The following TENM3 variants were observed in gnomAD, a reference collection of about 807,000 sequenced individuals.
TENM3 encodes teneurin transmembrane protein 3.
A neutral mutation model predicts 255.1 loss-of-function variants in TENM3; 63 were observed. The observed-to-expected ratio is 0.25, with a 90% CI of 0.20 to 0.30. The LOEUF is 0.30. TENM3 is among the 10% of genes least tolerant of loss of function. TENM3 has a pLI of 1.00. For missense variants in TENM3, 2,929 were observed against 3,461.1 expected, an observed-to-expected ratio of 0.85 and a Z score of 3.86; for synonymous variants, 1,306 against 1,322.3, an observed-to-expected ratio of 0.99 and a Z score of 0.27.
At chr4:181,990,226 G>C in the TENM3 span, among the ~76,000 whole-genome samples, 17 of 151,966 alleles carry the variant, frequency 1.1e-4, no homozygotes, top group African/African-American at 4.1e-4. Flanking sequence ...AATTAAAGAA[G>C]ACATATAAGT....
At chr4:182,330,832 ACC>A (rs1763701750) in intron 2 of TENM3, among the ~76,000 whole-genome samples, 1 of 152,198 alleles carries the variant, frequency 6.6e-6, no homozygotes, top group Non-Finnish European at 1.5e-5. Context: ...TACAAGAGAA[ACC>A]TTAACAGAAG....
the TENM3 span, among the ~76,000 whole-genome samples, chr4:181,531,150 A>G: frequency 4.6e-5 from 7 of 152,138 alleles, no homozygotes; most frequent in African/African-American, 1.7e-4. Flanking sequence ...TGCCCTGTGG[A>G]TTAGATAGCA....
At chr4:182,398,450 C>A (rs944333124) in intron 3 of TENM3, among the ~76,000 whole-genome samples, 1 of 152,160 alleles carries the variant, frequency 6.6e-6, no homozygotes, top group Non-Finnish European at 1.5e-5. Context: ...AGATTCCACA[C>A]AGTGTTTGTT....
the TENM3 span, among the ~76,000 whole-genome samples, chr4:182,047,516 T>C: frequency 8.0e-6 from 1 of 124,258 alleles, no homozygotes; most frequent in Non-Finnish European, 1.6e-5. Context: ...GAGCCGAGAG[T>C]GCACCACTGC....
At chr4:182,020,486 G>T in the TENM3 span, among the ~76,000 whole-genome samples, 10 of 152,104 alleles carry the variant, frequency 6.6e-5, no homozygotes, top group Non-Finnish European at 8.8e-5. Flanking sequence ...GTGCTCTATA[G>T]CTCTGTAGGA....
At chr4:182,347,814 T>C (rs540589996) in intron 3 of TENM3, among the ~76,000 whole-genome samples, 1 of 152,318 alleles carries the variant, frequency 6.6e-6, no homozygotes, top group Admixed American at 6.5e-5. Context: ...GTGCACTTGC[T>C]ATTTCAGTCT....
intron 24 of TENM3, among the ~76,000 whole-genome samples, chr4:182,784,422 C>T (rs1195789164): frequency 6.6e-6 from 1 of 151,584 alleles, no homozygotes; most frequent in Non-Finnish European, 1.5e-5. Context: ...TTCAGATCTC[C>T]AGCTGCGTGC....
chr4:182,503,393 T>C (rs992332111), intron 3 of TENM3, among the ~76,000 whole-genome samples: 1 of 152,176 alleles, frequency 6.6e-6, no homozygotes, highest in Non-Finnish European at 1.5e-5. Context: ...CCCTCAGTTA[T>C]TCCTCTCCAG....
intron 3 of TENM3, among the ~76,000 whole-genome samples, chr4:182,539,629 G>C (rs769243899): frequency 1.3e-5 from 2 of 152,148 alleles, no homozygotes; most frequent in Non-Finnish European, 2.9e-5. Context: ...AGGATCATTC[G>C]AACGATATTA....
intron 4 of TENM3, among the ~76,000 whole-genome samples, chr4:182,619,187 G>A (rs1405462708): frequency 6.6e-6 from 1 of 152,054 alleles, no homozygotes; most frequent in Non-Finnish European, 1.5e-5. Context: ...CAACACTTTG[G>A]GAGGCCGAGG....
the TENM3 span, among the ~76,000 whole-genome samples, chr4:181,860,994 G>A: frequency 5.9e-5 from 9 of 152,048 alleles, no homozygotes; most frequent in Non-Finnish European, 1.0e-4. Flanking sequence ...GGTTGATATC[G>A]AAAAAAATGT....
rs532513232 is a variant in TENM3 at position 182,656,254 on chromosome 4, A to G, written c.1111+2361A>G. ...AGGGGATTTGTAGGAATTTCCCTGC[A>G]TGGAAAAGCTATCTCTCTCTGGGCT... On this transcript the variant is annotated intron_variant, in intron 6 of 27. Transcript: ENST00000511685. 2.6e-5 allele frequency among the ~76,000 whole-genome samples: 4 copies of G among 152,344 alleles called. No homozygotes were observed. In the South Asian group the frequency reaches 6.2e-4, roughly 24 times the overall value.
At chr4:182,506,050 A>T (rs1235610407) in intron 3 of TENM3, among the ~76,000 whole-genome samples, 1 of 152,196 alleles carries the variant, frequency 6.6e-6, no homozygotes, top group South Asian at 2.1e-4. Context: ...AATAAAGATA[A>T]ATGCAACAGC....
At chr4:181,465,626 C>G in the TENM3 span, among the ~76,000 whole-genome samples, 1 of 152,166 alleles carries the variant, frequency 6.6e-6, no homozygotes, top group African/African-American at 2.4e-5. Context: ...AACTTTTATG[C>G]TTTAAAAAGT....
At chr4:182,408,462 G>A (rs1168795341) in intron 3 of TENM3, among the ~76,000 whole-genome samples, 10 of 152,010 alleles carry the variant, frequency 6.6e-5, no homozygotes, top group South Asian at 4.1e-4. Flanking sequence ...GAAAACCTTC[G>A]GACCAACTGC....
At chr4:181,988,806 C>T in the TENM3 span, among the ~76,000 whole-genome samples, 2 of 150,996 alleles carry the variant, frequency 1.3e-5, no homozygotes, top group African/African-American at 4.9e-5. Flanking sequence ...TTTTTTTCAG[C>T]GCCTTCTCTT....
At chr4:181,499,401 T>A in the TENM3 span, among the ~76,000 whole-genome samples, 1 of 152,178 alleles carries the variant, frequency 6.6e-6, no homozygotes, top group South Asian at 2.1e-4. Flanking sequence ...AAACCTAGCA[T>A]CTAAAGGGAA....
the TENM3 span, among the ~76,000 whole-genome samples, chr4:181,559,573 G>A: frequency 2.6e-5 from 4 of 152,196 alleles, no homozygotes; most frequent in South Asian, 8.3e-4. Flanking sequence ...TCATTATTAG[G>A]AAGAGTAGAT....
chr4:182,052,545 C>G, the TENM3 span, among the ~76,000 whole-genome samples: 1 of 152,130 alleles, frequency 6.6e-6, no homozygotes, highest in Non-Finnish European at 1.5e-5. Context: ...TACCTTTTCC[C>G]TCGTTTTCAT....
Sources: allele counts gnomAD v4.1 joint callset (sites outside exome capture counted in the v4.1 genomes callset), GRCh38; gene constraint gnomAD v4.1.1; transcripts MANE v1.5; gene names NCBI Gene and HGNC (gene_info 2026-07-23, HGNC 2026-07-21).